CMPK1: variants seen among roughly 807,000 people sequenced by gnomAD.
The protein encoded by CMPK1 is cytidine/uridine monophosphate kinase 1.
In CMPK1, 10 loss-of-function variants were observed where a neutral mutation model predicts 25.7. The observed-to-expected ratio is 0.39, with a 90% CI of 0.24 to 0.66. The LOEUF (loss-of-function observed/expected upper bound fraction) is 0.66. Among genes scored for constraint, CMPK1 ranks in the 30% least tolerant of loss-of-function variants. The pLI, the probability that CMPK1 is intolerant of heterozygous loss-of-function variation, is 0.48. For synonymous variants in CMPK1, 106 were observed against 101.5 expected (o/e 1.04, Z -0.27); for missense variants, 199 against 280.5 (o/e 0.71, Z 2.08).
intron 1 of CMPK1, among the ~76,000 whole-genome samples, chr1:47,347,158 C>G (rs111885934): frequency 0.081 from 12,109 of 149,416 alleles, 1,592 homozygotes; most frequent in African/African-American, 0.28. Context: ...CTCCCTCCCT[C>G]CCTTTCTTCC....
At chr1:47,336,903 G>A (rs1205224043) in intron 1 of CMPK1, among the ~76,000 whole-genome samples, 4 of 152,226 alleles carry the variant, frequency 2.6e-5, no homozygotes, top group Non-Finnish European at 5.9e-5. Flanking sequence ...TTTAAATACA[G>A]TATGCTGTTT....
chr1:47,340,780 G>T (rs1373517423), intron 1 of CMPK1, among the ~76,000 whole-genome samples: 2 of 152,102 alleles, frequency 1.3e-5, no homozygotes, highest in East Asian at 3.9e-4. Flanking sequence ...TGGGATTACA[G>T]GCATGCGCCA....
At chr1:47,349,678 G>A (rs1275051901) in intron 1 of CMPK1, among the ~76,000 whole-genome samples, 2 of 152,180 alleles carry the variant, frequency 1.3e-5, no homozygotes, top group Non-Finnish European at 2.9e-5. Flanking sequence ...AAATGTAACA[G>A]TTGCTTGTGT....
At chr1:47,343,323 C>T (rs1200552934) in intron 1 of CMPK1, among the ~76,000 whole-genome samples, 3 of 130,442 alleles carry the variant, frequency 2.3e-5, no homozygotes, top group Admixed American at 1.5e-4. Flanking sequence ...CCTGGCCGGG[C>T]GCAGTGGCTC....
rs1196898662 is a variant in CMPK1, at chr1:47,333,985, G to C, written c.40G>C (p.Gly14Arg). The C allele has an allele frequency of 6.5e-7, 1 of 1,536,894 alleles. No homozygotes were observed. Among genetic ancestry groups the C allele is most frequent in the Non-Finnish European group, 8.8e-7 (1 of 1,140,942 alleles). ...RCRSGLLHVL[G>R]LSFLLQTRRP... ...CCGCAGCGGGCTGCTCCACGTCCTGGGCCTTAGCTTCCTGCTGCAGACCCG... is the reference window on the plus strand; with the variant it reads ...CCGCAGCGGGCTGCTCCACGTCCTGCGCCTTAGCTTCCTGCTGCAGACCCG... The change falls in exon 1 of 6, where the codon GGC (glycine) becomes CGC (arginine). Residue 14 changes from glycine (G) to arginine (R), a missense_variant. Gly to Arg is a moderately radical substitution (Grantham distance 125, BLOSUM62 -2). Around this residue, in one of 2 missense-constraint regions of CMPK1, gnomAD observed 59 missense variants for 45.1 expected, o/e 1.31. Coordinates refer to ENST00000371873, the MANE Select transcript of CMPK1 (RefSeq NM_016308.3).
At chr1:47,348,478 T>G (rs1265293569) in intron 1 of CMPK1, among the ~76,000 whole-genome samples, 1 of 152,188 alleles carries the variant, frequency 6.6e-6, no homozygotes, top group Non-Finnish European at 1.5e-5. Context: ...GACAGTTTTA[T>G]GCTGCCTGGT....
At chr1:47,343,609 A>G (rs1646458897) in intron 1 of CMPK1, among the ~76,000 whole-genome samples, 2 of 151,946 alleles carry the variant, frequency 1.3e-5, no homozygotes, top group South Asian at 4.2e-4. Flanking sequence ...TTGGTTGTTG[A>G]GTTGAGTCAG....
At chr1:47,344,801 CTG>C (rs1299050356) in intron 1 of CMPK1, among the ~76,000 whole-genome samples, 4 of 151,070 alleles carry the variant, frequency 2.6e-5, no homozygotes, top group Non-Finnish European at 5.9e-5. Context: ...CCCGGCCTAA[CTG>C]TAAATTATTT....
intron 1 of CMPK1, among the ~76,000 whole-genome samples, chr1:47,345,061 C>T (rs1370644410): frequency 1.3e-5 from 2 of 149,860 alleles, no homozygotes; most frequent in Non-Finnish European, 3.0e-5. Context: ...GGATTACAAG[C>T]GTGCACCACC....
At chr1:47,371,265 A>C (rs1417612372) in intron 2 of CMPK1, among the ~76,000 whole-genome samples, 9 of 151,984 alleles carry the variant, frequency 5.9e-5, no homozygotes, top group Non-Finnish European at 1.2e-4. Context: ...AAAATAAACA[A>C]ATCTCTCTCC....
chr1:47,338,114 G>C (rs1646412755), intron 1 of CMPK1, among the ~76,000 whole-genome samples: 2 of 152,086 alleles, frequency 1.3e-5, no homozygotes, highest in Non-Finnish European at 2.9e-5. Context: ...AGCTAATGCA[G>C]CTCACAGGGC....
intron 1 of CMPK1, among the ~76,000 whole-genome samples, chr1:47,350,212 T>C (rs942274212): frequency 1.3e-5 from 2 of 151,880 alleles, no homozygotes; most frequent in African/African-American, 4.8e-5. Context: ...GTGCTGGAAT[T>C]ACAGGTGTGA....
chr1:47,347,790 G>A (rs923700955), intron 1 of CMPK1, among the ~76,000 whole-genome samples: 8 of 152,090 alleles, frequency 5.3e-5, no homozygotes, highest in Admixed American at 1.3e-4. Flanking sequence ...TACCATGCCT[G>A]GCTAATTTTT....
chr1:47,355,508 T>C (rs552309617), intron 1 of CMPK1, among the ~76,000 whole-genome samples: 1 of 151,224 alleles, frequency 6.6e-6, no homozygotes, highest in South Asian at 2.1e-4. Context: ...AGAGACGGGG[T>C]TTTAGCATAT....
intron 1 of CMPK1, among the ~76,000 whole-genome samples, chr1:47,339,556 C>A (rs1357866925): frequency 6.6e-6 from 1 of 151,924 alleles, no homozygotes; most frequent in Non-Finnish European, 1.5e-5. Flanking sequence ...ACGTTGGATT[C>A]ATAGAGTTTA....
At chr1:47,368,235 C>A (rs982583102) in intron 1 of CMPK1, among the ~76,000 whole-genome samples, 1 of 152,130 alleles carries the variant, frequency 6.6e-6, no homozygotes, top group Non-Finnish European at 1.5e-5. Context: ...TGAGCCACTA[C>A]GCCCAGCCAG....
At chr1:47,360,828 A>G (rs777187111) in intron 1 of CMPK1, among the ~76,000 whole-genome samples, 20 of 152,228 alleles carry the variant, frequency 1.3e-4, no homozygotes, top group Non-Finnish European at 2.6e-4. Flanking sequence ...GGATGGCTAC[A>G]TAGTAGAAAG....
Position 47,353,141 on chromosome 1 carries a change from T to C in CMPK1, c.172-15328T>C, listed in dbSNP as rs577111865. On this transcript the variant is annotated intron_variant, in intron 1 of 5. Coordinates refer to ENST00000371873, the MANE Select transcript of CMPK1 (RefSeq NM_016308.3). Reference sequence around the variant, plus strand: ...TGCTCCAATGGGTTATTTTGGAGACTAAGAGTAGTATGCTTATATTGTCTA... The same window carrying C: ...TGCTCCAATGGGTTATTTTGGAGACCAAGAGTAGTATGCTTATATTGTCTA... Among the ~76,000 whole-genome samples the C allele has an allele frequency of 2.6e-5, 4 of 152,356 alleles. No individual in the cohort carries two copies. The South Asian group carries it at 8.3e-4, about 32-fold the overall frequency.
chr1:47,335,702 C>G (rs35880845), intron 1 of CMPK1, among the ~76,000 whole-genome samples: 86,550 of 149,022 alleles, frequency 0.58, 27,123 homozygotes, highest in African/African-American at 0.83. Context: ...TAAAAAAATA[C>G]ATAACATTTA....
Sources: allele counts gnomAD v4.1 joint callset (sites outside exome capture counted in the v4.1 genomes callset), GRCh38; gene constraint gnomAD v4.1.1; regional missense constraint gnomAD v4.1.1; transcripts MANE v1.5; gene names NCBI Gene and HGNC (gene_info 2026-07-23, HGNC 2026-07-21).